Variants in ABHD12 observed in about 807,000 individuals in gnomAD.
ABHD12 encodes abhydrolase domain containing 12, lysophospholipase, also known as lysophosphatidylserine lipase ABHD12.
In ABHD12, 43 loss-of-function variants were observed where a neutral mutation model predicts 58.3. The ratio of observed to expected loss-of-function variants is 0.74; its 90% CI spans 0.58 to 0.95. The LOEUF (loss-of-function observed/expected upper bound fraction) is 0.95, where lower values mean the gene tolerates loss of function less well. Among genes scored for constraint, ABHD12 ranks in the 40% least tolerant of loss-of-function variants. The pLI, the probability that ABHD12 is intolerant of heterozygous loss-of-function variation, is 0.00. For synonymous variants in ABHD12, 219 were observed against 211.2 expected, an observed-to-expected ratio of 1.04 and a Z score of -0.32; for missense variants, 539 against 537.2, an observed-to-expected ratio of 1.00 and a Z score of -0.03.
At chr20:25,365,575 G>A (rs1290074258) in intron 1 of ABHD12, among the ~76,000 whole-genome samples, 1 of 152,126 alleles carries the variant, frequency 6.6e-6, no homozygotes, top group Non-Finnish European at 1.5e-5. Context: ...GTACAGATAG[G>A]ACACTCTTAG....
At chr20:25,327,587 T>C (rs930815447) in intron 2 of ABHD12, among the ~76,000 whole-genome samples, 2 of 152,212 alleles carry the variant, frequency 1.3e-5, no homozygotes, top group African/African-American at 4.8e-5. Flanking sequence ...CTGTCCTTGT[T>C]TACTCCTGGG....
rs760049905 is a variant in ABHD12, at chr20:25,314,946, C to T, written c.598G>A (p.Val200Met). ...TCACCTCTGTAGTCAAAGGTGACCA[C>T]ATGGTAACCAAGGGAACTCAGCACC... ...YKVLSSLGYH[V>M]VTFDYRGWGD... The change falls in exon 6 of 13, where the codon GTG (valine) becomes ATG (methionine). Residue 200 changes from valine to methionine, a missense_variant. By Grantham distance (21) the Val-to-Met change is conservative. Coordinates refer to ENST00000339157, the MANE Select transcript of ABHD12 (RefSeq NM_001042472.3). 4.0e-5 allele frequency: 64 copies of T among 1,614,112 alleles called. No homozygotes were observed. The highest frequency in any genetic ancestry group is 1.6e-4 in the Middle Eastern group (1 of 6,084).
At chr20:25,323,471 A>C in intron 2 of ABHD12, 41 bp from the exon 3 acceptor site, 1 of 1,239,698 alleles carries the variant, frequency 8.1e-7, no homozygotes, top group South Asian at 1.2e-5. Flanking sequence ...TTACTGGTGG[A>C]TGAATACACA....
chr20:25,295,405 T>TA (rs1236304233), downstream of ABHD12, among the ~76,000 whole-genome samples: 2 of 152,254 alleles, frequency 1.3e-5, no homozygotes, highest in African/African-American at 4.8e-5. Context: ...TCCCAGGACA[T>TA]AAGTGTTGCT....
intron 2 of ABHD12, among the ~76,000 whole-genome samples, chr20:25,338,429 G>A (rs1032877552): frequency 6.6e-6 from 1 of 152,190 alleles, no homozygotes; most frequent in Non-Finnish European, 1.5e-5. Flanking sequence ...CACCGTGTGC[G>A]AGCCCCGTTG....
At chr20:25,375,861 A>G (rs2500401) in intron 1 of ABHD12, among the ~76,000 whole-genome samples, 90,566 of 152,052 alleles carry the variant, frequency 0.6, 28,053 homozygotes, top group African/African-American at 0.72. Flanking sequence ...AGTGGCTCAC[A>G]CCTGTAATCC....
intron 1 of ABHD12, among the ~76,000 whole-genome samples, chr20:25,372,453 T>C (rs2089910779): frequency 6.6e-6 from 1 of 152,148 alleles, no homozygotes; most frequent in African/African-American, 2.4e-5. Flanking sequence ...GATCCTTCCA[T>C]CTTGGCCTCC....
intron 2 of ABHD12, among the ~76,000 whole-genome samples, chr20:25,325,612 C>T (rs771353840): frequency 4.6e-5 from 7 of 152,074 alleles, no homozygotes; most frequent in South Asian, 2.1e-4. Context: ...TTCTCCAAGC[C>T]GGGAATGCTG....
intron 1 of ABHD12, among the ~76,000 whole-genome samples, chr20:25,365,852 C>G (rs939538671): frequency 2.6e-5 from 4 of 151,944 alleles, no homozygotes; most frequent in Non-Finnish European, 1.5e-5. Context: ...AGTTCAAGAC[C>G]AGCCTGGACA....
intron 11 of ABHD12, chr20:25,303,198 G>C: frequency 1.7e-6 from 2 of 1,191,632 alleles, no homozygotes; most frequent in Non-Finnish European, 2.1e-6. Flanking sequence ...TAACTGATGA[G>C]CCCTTCCAGC....
intron 1 of ABHD12, among the ~76,000 whole-genome samples, chr20:25,373,882 C>G (rs1010959877): frequency 3.3e-5 from 5 of 152,032 alleles, no homozygotes; most frequent in African/African-American, 1.2e-4. Flanking sequence ...CTTTAATTAT[C>G]AGTATAATAG....
chr20:25,367,234 G>C (rs1469411054), intron 1 of ABHD12, among the ~76,000 whole-genome samples: 2 of 152,134 alleles, frequency 1.3e-5, no homozygotes, highest in Non-Finnish European at 2.9e-5. Context: ...CATACACTGA[G>C]ATGACATGTA....
At chr20:25,339,692 A>G in intron 1 of ABHD12, 1 of 1,376,668 alleles carries the variant, frequency 7.3e-7, no homozygotes, top group South Asian at 1.1e-5. Context: ...CCCCAGCTGT[A>G]ACCTCGTATC....
intron 1 of ABHD12, chr20:25,368,213 G>T: frequency 1.5e-6 from 2 of 1,291,770 alleles, no homozygotes; most frequent in Non-Finnish European, 1.1e-6. Context: ...GGGTGGAGGG[G>T]TGCTCTCCTG....
At chr20:25,362,064 C>A (rs2089756857) in intron 1 of ABHD12, among the ~76,000 whole-genome samples, 1 of 151,762 alleles carries the variant, frequency 6.6e-6, no homozygotes, top group African/African-American at 2.4e-5. Flanking sequence ...CACATGAGGT[C>A]AGGATTTTGA....
downstream of ABHD12, chr20:25,297,346 G>A (rs2088563542): frequency 6.6e-6 from 1 of 152,356 alleles, no homozygotes; most frequent in Non-Finnish European, 1.5e-5. Flanking sequence ...TTTAGCAACT[G>A]AAAATTGTAC....
intron 3 of ABHD12, 151 bp from the exon 4 acceptor site, chr20:25,320,469 G>A: frequency 1.0e-6 from 1 of 992,264 alleles, no homozygotes; most frequent in Admixed American, 2.0e-5. Context: ...GGGGGTGGGT[G>A]GTAGAAAACT....
intron 2 of ABHD12, among the ~76,000 whole-genome samples, chr20:25,334,333 T>A (rs1416635111): frequency 1.3e-5 from 2 of 150,884 alleles, no homozygotes; most frequent in African/African-American, 4.9e-5. Context: ...GAACATTCCA[T>A]GCTCATGGGT....
rs6037101 is a variant in ABHD12 at position 25,384,156 on chromosome 20, G to A, written c.191+6357C>T. 7.3e-3 allele frequency among the ~76,000 whole-genome samples: 1,016 copies of A among 138,478 alleles called. 11 individuals carry two copies. The highest frequency in any genetic ancestry group is 0.011 in the Non-Finnish European group (748 of 65,410). The allele number at this position is 138,478 out of a possible 152,430, so 90.8% of individuals were successfully genotyped here. A position where few individuals can be genotyped will look rare whatever the true frequency, so the allele number is the denominator to read the frequency against. On this transcript the variant is annotated intron_variant, in intron 1 of 12. Coordinates refer to ENST00000339157, the MANE Select transcript of ABHD12 (RefSeq NM_001042472.3). ...GACTCTGTCTCAAAAAAAAAAAAAA[G>A]AAAAAAAAAAATCACTCATTTGCCC...
Sources: allele counts gnomAD v4.1 joint callset (sites outside exome capture counted in the v4.1 genomes callset), GRCh38; gene constraint gnomAD v4.1.1; transcripts MANE v1.5; gene names NCBI Gene and HGNC (gene_info 2026-07-23, HGNC 2026-07-21).